COMT: variants seen among roughly 807,000 people sequenced by gnomAD.
The protein encoded by COMT is catechol O-methyltransferase.
COMT carries 13 observed loss-of-function variants against 18.9 expected under a neutral mutation model. The ratio of observed to expected loss-of-function variants is 0.69; its 90% CI spans 0.45 to 1.09. COMT has a LOEUF of 1.09. Among genes scored for constraint, COMT ranks in the 50% least tolerant of loss-of-function variants. The pLI, the probability that COMT is intolerant of heterozygous loss-of-function variation, is 0.00. For missense variants in COMT, 329 were observed against 361.8 expected, an observed-to-expected ratio of 0.91 and a Z score of 0.73; for synonymous variants, 150 against 160.9, an observed-to-expected ratio of 0.93 and a Z score of 0.51.
chr22:19,958,419 C>T (rs986993491), intron 1 of COMT, among the ~76,000 whole-genome samples: 15 of 151,920 alleles, frequency 9.9e-5, no homozygotes, highest in Admixed American at 9.2e-4. Context: ...CCCATCCCAA[C>T]CTCCCAAAGT....
At chr22:19,966,337 A>G (rs1358019961) in intron 5 of COMT, among the ~76,000 whole-genome samples, 1 of 151,720 alleles carries the variant, frequency 6.6e-6, no homozygotes, top group Non-Finnish European at 1.5e-5. Context: ...AGCAGGTTGC[A>G]ATTCAAAATC....
At chr22:19,962,051 G>A (rs551248812) in intron 2 of COMT, among the ~76,000 whole-genome samples, 1 of 152,224 alleles carries the variant, frequency 6.6e-6, no homozygotes, top group Admixed American at 6.5e-5. Context: ...CCAGAGCATG[G>A]GTGACCAGCA....
rs553561747 is a variant in COMT at position 19,969,054 on chromosome 22, C to G, written c.*318C>G. On this transcript the variant is annotated 3_prime_UTR_variant, in exon 6 of 6. Coordinates refer to ENST00000361682, the MANE Select transcript of COMT (RefSeq NM_000754.4). ...ACTCGACTTAGTACATCCTTCTCAA[C>G]TGCCATTCCCCTGCTGCCCTTGACT... is the stretch of plus-strand genomic sequence containing the variant. The G allele has an allele frequency of 3.9e-6, 1 of 258,066 alleles. No homozygotes were observed. Among genetic ancestry groups the G allele is most frequent in the South Asian group, 4.1e-5 (1 of 24,152 alleles). 16.0% of individuals were successfully genotyped at this position (258,066 alleles called of 1,614,324 possible).
intron 1 of COMT, among the ~76,000 whole-genome samples, chr22:19,948,552 C>T (rs1941876680): frequency 6.6e-6 from 1 of 152,072 alleles, no homozygotes. Flanking sequence ...CCCATGTACT[C>T]TGAAGACTGA....
chr22:19,961,235 C>T lies in COMT; in HGVS notation c.-55C>T, dbSNP rs1265781936. ...GCTTTGCTGCCGAGCTCAGAGGAGA[C>T]CCCAGACCCCTCCCGCAGCCAGAGG... On this transcript the variant is annotated 5_prime_UTR_variant, in exon 2 of 6. Transcript: ENST00000361682. 1 of 152,340 alleles carries T rather than the reference C, an allele frequency of 6.6e-6. No individual in the cohort carries two copies. Among genetic ancestry groups the T allele is most frequent in the Non-Finnish European group, 1.5e-5 (1 of 68,118 alleles). 9.4% of individuals were successfully genotyped at this position (152,340 alleles called of 1,614,324 possible).
Position 19,969,739 on chromosome 22 carries a change from G to T in COMT, c.*1003G>T. The T allele has an allele frequency of 1.3e-6, 1 of 771,172 alleles. No individual in the cohort carries two copies. Among genetic ancestry groups the T allele is most frequent in the Non-Finnish European group, 1.6e-6 (1 of 634,566 alleles). 47.8% of individuals were successfully genotyped at this position (771,172 alleles called of 1,614,324 possible). The stretch of plus-strand genomic sequence containing the variant: ...CCAGTGAGCCCAAGTGGACAAGTTT[G>T]GGGCCACCCAGGGACCAGAAACAGA... On this transcript the variant is annotated 3_prime_UTR_variant, in exon 6 of 6. Transcript: ENST00000361682.
rs14968 is a variant in COMT, at chr22:19,968,910, CTTTT to C, written c.*177_*180del. The C allele has an allele frequency of 1.6e-6, 1 of 624,558 alleles. No homozygotes were observed. Among genetic ancestry groups the C allele is most frequent in the Admixed American group, 2.5e-5 (1 of 39,288 alleles). The allele number at this position is 624,558 out of a possible 1,614,324, so 38.7% of individuals were successfully genotyped here. ...CTCTGAACTGCAACACTGGATTGTT[CTTTT>C]TTAAGACTCAATCATGACTTCTTTA... On this transcript the variant is annotated 3_prime_UTR_variant, in exon 6 of 6. Transcript: ENST00000361682.
intron 1 of COMT, among the ~76,000 whole-genome samples, chr22:19,960,357 G>A (rs532898989): frequency 6.6e-6 from 1 of 152,236 alleles, no homozygotes; most frequent in Admixed American, 6.5e-5. Context: ...AGTAAACAAA[G>A]CAACAGGCTG....
chr22:19,964,938 G>C (rs977809954), intron 5 of COMT: 1 of 194,078 alleles, frequency 5.2e-6, no homozygotes, highest in Non-Finnish European at 1.1e-5. Flanking sequence ...GTGGCTCTGT[G>C]ATCCTCCACT....
intron 5 of COMT, among the ~76,000 whole-genome samples, chr22:19,966,321 C>T (rs1419421477): frequency 6.6e-6 from 1 of 151,594 alleles, no homozygotes; most frequent in African/African-American, 2.4e-5. Flanking sequence ...GGGTGAGGGG[C>T]TCAGGAGCAG....
intron 4 of COMT, 145 bp from the exon 5 acceptor site, chr22:19,964,023 A>G (rs191012542): frequency 2.6e-6 from 4 of 1,530,468 alleles, no homozygotes; most frequent in East Asian, 2.3e-5. Flanking sequence ...CCAGAACCCT[A>G]AAGAAAACTG....
At chr22:19,945,035 T>G (rs1383205134) in intron 1 of COMT, among the ~76,000 whole-genome samples, 2 of 152,236 alleles carry the variant, frequency 1.3e-5, no homozygotes, top group African/African-American at 4.8e-5. Flanking sequence ...TTTACATAAA[T>G]GCAGCACGAA....
chr22:19,956,121 TTTTTTTTC>T (rs1942052152), intron 1 of COMT, among the ~76,000 whole-genome samples: 5 of 39,194 alleles, frequency 1.3e-4, no homozygotes, highest in Admixed American at 2.3e-4. Context: ...TCTTTCTTTC[TTTTTTTTC>T]TTTTTTTCTT....
At position 19,941,911 on chromosome 22, in the gene COMT, C is replaced by G. The variant is rs1023865577; in HGVS notation, c.-92+14C>G. 49 of 1,214,968 alleles carry G rather than the reference C, an allele frequency of 4.0e-5. 1 individual carries two copies. The Middle Eastern group carries it at 2.7e-3, about 66-fold the overall frequency. 75.3% of individuals were successfully genotyped at this position (1,214,968 alleles called of 1,614,324 possible). A position where few individuals can be genotyped will look rare whatever the true frequency, so the allele number is the denominator to read the frequency against. ...GTCGCGGGAGAGGTGAGAGCGCTGG[C>G]TAGACCGGGGCCGAATGCGGCCGGA... On this transcript the variant is annotated intron_variant, in intron 1 of 5. Transcript: ENST00000361682.
intron 5 of COMT, chr22:19,967,635 G>A (rs1478157768): frequency 6.4e-6 from 2 of 313,096 alleles, no homozygotes; most frequent in Non-Finnish European, 1.3e-5. Context: ...TGTGGGGTCG[G>A]ATACCAGTGT....
chr22:19,962,814 A>G lies in COMT; in HGVS notation c.288A>G (p.Lys96=), dbSNP rs1234379775. The part of the protein sequence containing the change: ...KEWAMNVGDK[K]GKIVDAVIQE... ...GGGCCATGAACGTGGGCGACAAGAAAGGTGGGGTCCGGGCCAGCAGGTGCT... is the reference window on the plus strand; with the variant it reads ...GGGCCATGAACGTGGGCGACAAGAAGGGTGGGGTCCGGGCCAGCAGGTGCT... The change falls in exon 3 of 6, where the codon AAA becomes AAG. Residue 96 remains lysine, a splice_region_variant and synonymous_variant. Coordinates refer to ENST00000361682, the MANE Select transcript of COMT (RefSeq NM_000754.4). 1.2e-6 allele frequency: 2 copies of G among 1,602,886 alleles called. No homozygotes were observed. The highest frequency in any genetic ancestry group is 1.7e-6 in the Non-Finnish European group (2 of 1,171,446).
intron 5 of COMT, 129 bp from the exon 6 acceptor site, chr22:19,968,407 G>C: frequency 3.3e-6 from 3 of 907,908 alleles, no homozygotes; most frequent in Non-Finnish European, 3.5e-6. Flanking sequence ...GCAGAAAGTG[G>C]AAACCTGGCC....
At chr22:19,946,977 A>G (rs1036668323) in intron 1 of COMT, among the ~76,000 whole-genome samples, 1 of 135,232 alleles carries the variant, frequency 7.4e-6, no homozygotes, top group African/African-American at 2.8e-5. Context: ...GTGCAGTGGC[A>G]CGATCTCGGC....
Position 19,962,622 on chromosome 22 carries a change from C to A in COMT, c.96C>A (p.Gly32=). 6.2e-7 allele frequency: 1 copy of A among 1,603,696 alleles called. No individual in the cohort carries two copies. The highest frequency in any genetic ancestry group is 8.5e-7 in the Non-Finnish European group (1 of 1,175,464). Residue 32 remains glycine (G), a synonymous_variant, in exon 3 of 6, where the codon GGC becomes GGA. Coordinates refer to ENST00000361682, the MANE Select transcript of COMT (RefSeq NM_000754.4). ...LLLLLRHWGW[G]LCLIGWNEFI... is the part of the protein sequence containing the mutation. ...TGCTTCTGAGGCACTGGGGCTGGGG[C>A]CTGTGCCTTATCGGCTGGAACGAGT...
Sources: gnomAD v4.1 joint callset for allele counts (sites outside exome capture counted in the v4.1 genomes callset) on GRCh38, gnomAD v4.1.1 for gene constraint, MANE v1.5 for transcripts, NCBI Gene and HGNC (gene_info 2026-07-23, HGNC 2026-07-21) for gene names.